Variants in SCML4 observed in about 807,000 individuals in gnomAD.
SCML4 encodes the protein Scm polycomb group protein like 4, also known as sex comb on midleg-like protein 4.
A neutral mutation model predicts 41.1 loss-of-function variants in SCML4; 34 were observed. That is an observed-to-expected ratio of 0.83 (90% confidence interval 0.63 to 1.10). The LOEUF (loss-of-function observed/expected upper bound fraction) is 1.10, where lower values mean the gene tolerates loss of function less well. Among genes scored for constraint, SCML4 ranks in the 50% least tolerant of loss-of-function variants. The probability of loss-of-function intolerance (pLI) is 0.00; values close to 1 mark genes in which losing one functional copy is unlikely to be tolerated. For synonymous variants in SCML4, 214 were observed against 220.9 expected (o/e 0.97, Z 0.28); for missense variants, 522 against 534.1 (o/e 0.98, Z 0.22).
intron 1 of SCML4, among the ~76,000 whole-genome samples, chr6:107,779,993 C>A (rs1781357856): frequency 6.6e-6 from 1 of 152,186 alleles, no homozygotes; most frequent in Non-Finnish European, 1.5e-5. Flanking sequence ...TAAATGATAT[C>A]TGTACATCCA....
chr6:107,768,097 C>T (rs898552882), intron 2 of SCML4, among the ~76,000 whole-genome samples: 1 of 45,660 alleles, frequency 2.2e-5, no homozygotes, highest in African/African-American at 8.7e-5. Flanking sequence ...TTCATCTGTA[C>T]AAAAAAAAAA....
intron 1 of SCML4, among the ~76,000 whole-genome samples, chr6:107,789,954 T>C (rs1351265974): frequency 6.6e-6 from 1 of 152,208 alleles, no homozygotes. Flanking sequence ...GCAAATATTA[T>C]TACGTACTCC....
intron 1 of SCML4, among the ~76,000 whole-genome samples, chr6:107,775,718 A>C (rs560270781): frequency 4.7e-4 from 71 of 152,326 alleles, no homozygotes; most frequent in African/African-American, 1.7e-3. Flanking sequence ...ATCCAAACTG[A>C]CTTTAGAAAA....
At chr6:107,801,240 T>G (rs747797236) in intron 1 of SCML4, among the ~76,000 whole-genome samples, 5 of 152,222 alleles carry the variant, frequency 3.3e-5, no homozygotes, top group Non-Finnish European at 7.4e-5. Flanking sequence ...AAGCCCACTC[T>G]TCCATTGCAG....
intron 2 of SCML4, among the ~76,000 whole-genome samples, chr6:107,756,686 T>C (rs180741625): frequency 4.9e-4 from 74 of 152,218 alleles, no homozygotes; most frequent in Admixed American, 3.2e-3. Context: ...ATGTTAAAAA[T>C]GGGGGGAAAT....
chr6:107,830,420 C>A, the SCML4 span, among the ~76,000 whole-genome samples: 1 of 152,188 alleles, frequency 6.6e-6, no homozygotes, highest in African/African-American at 2.4e-5. Flanking sequence ...CCAGGGGCAG[C>A]GTCTGGTAAG....
intron 5 of SCML4, among the ~76,000 whole-genome samples, chr6:107,736,896 A>C (rs1583449300): frequency 6.6e-6 from 1 of 152,072 alleles, no homozygotes; most frequent in Non-Finnish European, 1.5e-5. Context: ...CTCATCTTCC[A>C]CCCCCTGCCA....
intron 2 of SCML4, among the ~76,000 whole-genome samples, chr6:107,763,033 C>T (rs1038493411): frequency 1.3e-5 from 2 of 151,866 alleles, no homozygotes; most frequent in African/African-American, 4.8e-5. Flanking sequence ...CAGGTGTGCA[C>T]CATCACAGTT....
At position 107,746,942 on chromosome 6, in the gene SCML4, C is replaced by G. The variant is rs1229621929; in HGVS notation, c.287-53G>C. ...CGGCATCAGGCGCGCATCAGGCCAG[C>G]TGGCGGCCTCTGTGTACACGGGGGA... On this transcript the variant is annotated intron_variant, in intron 3 of 7. Coordinates refer to ENST00000369020, the MANE Select transcript of SCML4 (RefSeq NM_198081.5). The G allele has an allele frequency of 6.0e-6, 9 of 1,490,294 alleles. No homozygotes were observed. The East Asian group carries it at 1.6e-4, about 26-fold the overall frequency. The allele number at this position is 1,490,294 out of a possible 1,614,324, so 92.3% of individuals were successfully genotyped here.
At chr6:107,716,242 C>T (rs2114380573) in intron 6 of SCML4, among the ~76,000 whole-genome samples, 1 of 152,314 alleles carries the variant, frequency 6.6e-6, no homozygotes, top group Non-Finnish European at 1.5e-5. Context: ...GGAGTCCTGT[C>T]TGCTCTTGTT....
At chr6:107,791,836 C>T (rs564075223) in intron 1 of SCML4, among the ~76,000 whole-genome samples, 1 of 152,014 alleles carries the variant, frequency 6.6e-6, no homozygotes, top group Admixed American at 6.6e-5. Flanking sequence ...TGCCTGTAAT[C>T]CCAGTCCCAG....
chr6:107,826,813 C>G (rs1318873548), upstream of SCML4, among the ~76,000 whole-genome samples: 1 of 152,202 alleles, frequency 6.6e-6, no homozygotes, highest in Non-Finnish European at 1.5e-5. Flanking sequence ...CCTGTAATCC[C>G]AGCACTTTGG....
upstream of SCML4, among the ~76,000 whole-genome samples, chr6:107,824,777 G>A (rs186080119): frequency 4.2e-4 from 64 of 152,226 alleles, no homozygotes; most frequent in African/African-American, 1.1e-3. Flanking sequence ...AGGCTTATAA[G>A]ACACTGGTGA....
At chr6:107,771,506 G>A (rs1001370791) in intron 2 of SCML4, among the ~76,000 whole-genome samples, 1 of 152,124 alleles carries the variant, frequency 6.6e-6, no homozygotes, top group Non-Finnish European at 1.5e-5. Flanking sequence ...TTATGATTGT[G>A]GTTACATCAG....
intron 1 of SCML4, among the ~76,000 whole-genome samples, chr6:107,778,684 T>C (rs1781233273): frequency 1.3e-5 from 2 of 152,182 alleles, no homozygotes; most frequent in Non-Finnish European, 1.5e-5. Flanking sequence ...TGGCGAATCA[T>C]GCTTCATCAA....
intron 1 of SCML4, among the ~76,000 whole-genome samples, chr6:107,785,355 C>T (rs1001592115): frequency 2.0e-5 from 3 of 152,186 alleles, no homozygotes; most frequent in African/African-American, 7.2e-5. Flanking sequence ...AGTGCTGTTG[C>T]GCCCCACTGC....
At chr6:107,763,863 T>A (rs1779822123) in intron 2 of SCML4, among the ~76,000 whole-genome samples, 1 of 152,088 alleles carries the variant, frequency 6.6e-6, no homozygotes, top group Non-Finnish European at 1.5e-5. Flanking sequence ...TTAATTTCCA[T>A]ATTGAAGCCA....
intron 5 of SCML4, among the ~76,000 whole-genome samples, chr6:107,731,282 C>T (rs1025902394): frequency 2.6e-5 from 4 of 152,242 alleles, no homozygotes; most frequent in Non-Finnish European, 5.9e-5. Context: ...CCAGTGGGCT[C>T]GGACTATTGA....
chr6:107,724,643 G>GA lies in SCML4; in HGVS notation c.683-3651dup, dbSNP rs199897645. On this transcript the variant is annotated intron_variant, in intron 5 of 7. Coordinates refer to ENST00000369020, the MANE Select transcript of SCML4 (RefSeq NM_198081.5). ...AAATTAAAGAAGATATAAATAAATG[G>GA]AAAAAAAAATCTCATGTTCATAGAT... 2.3e-3 allele frequency among the ~76,000 whole-genome samples: 354 copies of GA among 150,908 alleles called. 4 individuals are homozygous for GA. The highest frequency in any genetic ancestry group is 2.9e-3 in the Non-Finnish European group (198 of 67,640).
Sources: gnomAD v4.1 joint callset for allele counts (sites outside exome capture counted in the v4.1 genomes callset) on GRCh38, gnomAD v4.1.1 for gene constraint, MANE v1.5 for transcripts, NCBI Gene and HGNC (gene_info 2026-07-23, HGNC 2026-07-21) for gene names.